DSCAML1: variants seen among roughly 807,000 people sequenced by gnomAD.
DSCAML1 encodes DS cell adhesion molecule like 1.
DSCAML1 carries 38 observed loss-of-function variants against 200.5 expected under a neutral mutation model. That is an observed-to-expected ratio of 0.19 (90% CI 0.15 to 0.25). The LOEUF (loss-of-function observed/expected upper bound fraction) is 0.25, where lower values mean the gene tolerates loss of function less well. Ranked by LOEUF, DSCAML1 falls within the 10% of genes least tolerant of loss-of-function variation. DSCAML1 has a pLI of 1.00. For missense variants in DSCAML1, 2,223 were observed against 2,858.8 expected (o/e 0.78, Z 5.07); for synonymous variants, 1,215 against 1,165.0 (o/e 1.04, Z -0.87).
chr11:117,494,529 A>G (rs1392355343), intron 11 of DSCAML1, among the ~76,000 whole-genome samples: 2 of 152,214 alleles, frequency 1.3e-5, no homozygotes, highest in African/African-American at 4.8e-5. Context: ...TGTCAGTTTC[A>G]GATGCTGGAA....
At chr11:117,668,340 T>A (rs1037104238) in intron 3 of DSCAML1, 2 of 152,058 alleles carry the variant, frequency 1.3e-5, no homozygotes, top group African/African-American at 4.8e-5. Flanking sequence ...AGTCTACAGA[T>A]CCCACAGGAT....
chr11:117,428,740 C>G lies in DSCAML1; in HGVS notation c.5750G>C (p.Arg1917Pro). 1.2e-6 allele frequency: 2 copies of G among 1,612,810 alleles called. No homozygotes were observed. Among genetic ancestry groups the G allele is most frequent in the African/African-American group, 1.3e-5 (1 of 75,036 alleles). The change falls in exon 33 of 33, where the codon CGT becomes CCT. Residue 1917 changes from arginine to proline, a missense_variant. Around this residue, in one of 7 missense-constraint regions of DSCAML1, gnomAD observed 280 missense variants for 213.4 expected, o/e 1.31. Coordinates refer to ENST00000651296, the MANE Select transcript of DSCAML1 (RefSeq NM_020693.4). ...GGGTGGGACCACGGGGCAGGGCTCACGTCCATCTGCCTTTCGAAAGAAGGC... is the reference window on the plus strand; with the variant it reads ...GGGTGGGACCACGGGGCAGGGCTCAGGTCCATCTGCCTTTCGAAAGAAGGC... Reference protein sequence around the residue: ...SEAFFRKADGREPCPVVPPRE... With the variant: ...SEAFFRKADGPEPCPVVPPRE...
At chr11:117,468,029 G>A (rs1189792170) in intron 16 of DSCAML1, among the ~76,000 whole-genome samples, 1 of 152,104 alleles carries the variant, frequency 6.6e-6, no homozygotes, top group Non-Finnish European at 1.5e-5. Flanking sequence ...TATCCATCCA[G>A]ATAGATTCAC....
At chr11:117,651,581 G>A (rs955356078) in intron 3 of DSCAML1, among the ~76,000 whole-genome samples, 1 of 151,412 alleles carries the variant, frequency 6.6e-6, no homozygotes, top group East Asian at 1.9e-4. Flanking sequence ...CCGTGGTGGC[G>A]GGCACCTGTA....
chr11:117,739,877 C>T (rs1161359749), intron 3 of DSCAML1, among the ~76,000 whole-genome samples: 1 of 152,176 alleles, frequency 6.6e-6, no homozygotes, highest in African/African-American at 2.4e-5. Flanking sequence ...ATTCTAGAGC[C>T]CCTGGTCTCA....
intron 3 of DSCAML1, among the ~76,000 whole-genome samples, chr11:117,543,687 A>C (rs1274078309): frequency 6.6e-6 from 1 of 152,152 alleles, no homozygotes; most frequent in Admixed American, 6.5e-5. Context: ...TCACCCCCAA[A>C]TTAGGGATTC....
intron 3 of DSCAML1, among the ~76,000 whole-genome samples, chr11:117,724,274 G>T (rs1481036932): frequency 2.0e-5 from 3 of 152,172 alleles, no homozygotes; most frequent in Non-Finnish European, 4.4e-5. Flanking sequence ...AAGTCACTGG[G>T]TCCCCTGGTC....
In DSCAML1 at chr11:117,694,269, G is replaced by A. The variant is rs1316465543; in HGVS notation, c.511+82522C>T. Among the ~76,000 whole-genome samples the A allele has an allele frequency of 2.6e-5, 4 of 151,864 alleles. No homozygotes were observed. The East Asian group carries it at 7.7e-4, about 29-fold the overall frequency. ...AATACAAAAATTAGCTGGGCGTGGT[G>A]GCAGGTGCCTGTAATCCCAGCTACT... On this transcript the variant is annotated intron_variant, in intron 3 of 32. Transcript: ENST00000651296.
In DSCAML1 at chr11:117,635,469, T is replaced by C. The variant is rs1230561099; in HGVS notation, c.512-102947A>G. Reference sequence around the variant, plus strand: ...TGTGGTGTGTGTGTGTGTGTGTGTGTGTGTGCGTGTGTGTTTAATTCTGTG... The same window carrying C: ...TGTGGTGTGTGTGTGTGTGTGTGTGCGTGTGCGTGTGTGTTTAATTCTGTG... On this transcript the variant is annotated intron_variant, in intron 3 of 32. Transcript: ENST00000651296. 5.0e-4 allele frequency among the ~76,000 whole-genome samples: 75 copies of C among 151,264 alleles called. 1 individual carries two copies. The highest frequency in any genetic ancestry group is 4.9e-3 in the Admixed American group (74 of 15,156).
chr11:117,450,127 C>T (rs932588494), intron 20 of DSCAML1, among the ~76,000 whole-genome samples: 2 of 152,334 alleles, frequency 1.3e-5, no homozygotes, highest in African/African-American at 2.4e-5. Flanking sequence ...CATGTGGAGG[C>T]GCTTATGCAG....
intron 4 of DSCAML1, among the ~76,000 whole-genome samples, chr11:117,526,029 A>T (rs1249829631): frequency 6.6e-6 from 1 of 152,238 alleles, no homozygotes; most frequent in Non-Finnish European, 1.5e-5. Flanking sequence ...AGCAACTACG[A>T]GACCTGTGGC....
chr11:117,773,911 C>A (rs1392591258), intron 3 of DSCAML1, among the ~76,000 whole-genome samples: 2 of 152,090 alleles, frequency 1.3e-5, no homozygotes, highest in Non-Finnish European at 2.9e-5. Context: ...TCTGCAAAAC[C>A]GAAGTTTAAC....
intron 11 of DSCAML1, among the ~76,000 whole-genome samples, chr11:117,486,967 C>G (rs1337308092): frequency 2.4e-5 from 3 of 123,188 alleles, no homozygotes; most frequent in East Asian, 5.5e-4. Context: ...TCTTGTTGCC[C>G]AGGCTAGAGT....
rs1399460397 is a variant in DSCAML1, at chr11:117,516,515, T to C, written c.1735A>G (p.Ile579Val). The C allele has an allele frequency of 6.2e-7, 1 of 1,613,964 alleles. No homozygotes were observed. ...DEGEYLCSVL[I>V]QPQLSISQSV... is the part of the protein sequence containing the mutation. ...TGGCTGATGGAGAGCTGGGGCTGGA[T>C]GAGGACACTGCACAGGTACTCCCCC... Residue 579 changes from isoleucine (I) to valine (V), a missense_variant, in exon 8 of 33, where the codon ATC (isoleucine) becomes GTC (valine). Ile to Val is a conservative substitution (Grantham distance 29). Transcript: ENST00000651296. This position sits in a 1 kb window ranked among gnomAD's most constrained non-coding sequence, Gnocchi z 5.7.
At chr11:117,500,318 A>G (rs1327418981) in intron 11 of DSCAML1, among the ~76,000 whole-genome samples, 2 of 152,174 alleles carry the variant, frequency 1.3e-5, no homozygotes, top group Non-Finnish European at 2.9e-5. Context: ...TTTGTGTATC[A>G]TAGTTGTTTT....
rs1313045331 is a variant in DSCAML1, at chr11:117,518,555, C to A, written c.1421G>T (p.Gly474Val). The part of the protein sequence containing the change: ...GTTISHMNVT[G>V]PQIRDGGVYR... ...CACGCCCCCGTCGCGGATCTGGGGG[C>A]CTGTGACGTTCATGTGGCTGATGGT... The change falls in exon 7 of 33, where the codon GGC (glycine) becomes GTC (valine). Residue 474 changes from glycine to valine, a missense_variant. Around this residue, in one of 7 missense-constraint regions of DSCAML1, gnomAD observed 579 missense variants for 721.5 expected, o/e 0.80. Coordinates refer to ENST00000651296, the MANE Select transcript of DSCAML1 (RefSeq NM_020693.4). The surrounding 1 kb of genome is among the most constrained non-coding windows in gnomAD (Gnocchi z 6.3). 6.2e-7 allele frequency: 1 copy of A among 1,614,174 alleles called. No homozygotes were observed. Among genetic ancestry groups the A allele is most frequent in the African/African-American group, 1.3e-5 (1 of 75,046 alleles).
At chr11:117,798,891 G>A (rs534972481), upstream of DSCAML1, among the ~76,000 whole-genome samples, 11 of 152,244 alleles carry the variant, frequency 7.2e-5, no homozygotes, top group Admixed American at 7.2e-4. Context: ...AGCATCCCTC[G>A]GTGGCTCAGC....
At chr11:117,528,890 T>G (rs4938401) in intron 4 of DSCAML1, among the ~76,000 whole-genome samples, 24,926 of 151,720 alleles carry the variant, frequency 0.16, 2,257 homozygotes, top group South Asian at 0.31. Context: ...CAACTGCCTC[T>G]GCAACTTGGA....
chr11:117,440,153 A>T (rs1033578579), intron 21 of DSCAML1, among the ~76,000 whole-genome samples: 1 of 152,220 alleles, frequency 6.6e-6, no homozygotes, highest in Non-Finnish European at 1.5e-5. Context: ...CAGGATCACA[A>T]GAGGCTCTGA....
Sources: allele counts gnomAD v4.1 joint callset (sites outside exome capture counted in the v4.1 genomes callset), GRCh38; gene constraint gnomAD v4.1.1; regional missense constraint gnomAD v4.1.1; non-coding constraint Gnocchi (gnomAD v3.1); transcripts MANE v1.5; gene names NCBI Gene and HGNC (gene_info 2026-07-23, HGNC 2026-07-21).